Variants in DRICH1 observed in about 807,000 individuals in gnomAD.
DRICH1 encodes the protein aspartate-rich protein 1.
DRICH1 carries 38 observed loss-of-function variants against 39.5 expected under a neutral mutation model. That is an observed-to-expected ratio of 0.96 (90% CI 0.74 to 1.26). DRICH1 has a LOEUF of 1.26. DRICH1 is among the 50% of genes most tolerant of loss of function. The pLI, the probability that DRICH1 is intolerant of heterozygous loss-of-function variation, is 0.00. For synonymous variants in DRICH1, 84 were observed against 99.5 expected (o/e 0.84, Z 0.93); for missense variants, 279 against 270.4 (o/e 1.03, Z -0.22).
intron 1 of DRICH1, among the ~76,000 whole-genome samples, chr22:23,630,137 C>CAACG (rs1489309286): frequency 1.3e-5 from 2 of 152,132 alleles, no homozygotes; most frequent in African/African-American, 4.8e-5. Flanking sequence ...ATGCCCATGC[C>CAACG]AACGTCTATT....
chr22:23,587,830 G>A, the DRICH1 span, among the ~76,000 whole-genome samples: 581 of 152,308 alleles, frequency 3.8e-3, 5 homozygotes, highest in African/African-American at 0.013. Context: ...ACTAGGCTTT[G>A]ACCTTGAGCT....
At chr22:23,591,652 G>C in the DRICH1 span, among the ~76,000 whole-genome samples, 3 of 152,334 alleles carry the variant, frequency 2.0e-5, no homozygotes, top group East Asian at 5.8e-4. Flanking sequence ...ATCTATCTGA[G>C]GCGTAGGGGG....
rs774267027 is a variant in DRICH1 at position 23,626,021 on chromosome 22, T to G, written c.236A>C (p.Lys79Thr). ...GTCTTCCTCACTTGATGGCAGAAAT[T>G]TTAAACTCAGGCGGTCCTCAGGGGG... ...TGPPEDRLSL[K>T]FLPSSEEDND... The change falls in exon 2 of 12, where the codon AAA (lysine) becomes ACA (threonine). Residue 79 changes from lysine (K) to threonine (T), a missense_variant. Lys to Thr is a moderately conservative substitution (Grantham distance 78). Coordinates refer to ENST00000317749, the MANE Select transcript of DRICH1 (RefSeq NM_016449.4). The G allele has an allele frequency of 1.1e-5, 17 of 1,613,322 alleles. No homozygotes were observed. The Middle Eastern group carries it at 4.9e-4, about 47-fold the overall frequency.
At chr22:23,622,508 C>A (rs1333928446) in intron 3 of DRICH1, among the ~76,000 whole-genome samples, 1 of 115,510 alleles carries the variant, frequency 8.7e-6, no homozygotes, top group East Asian at 2.7e-4. Context: ...ACAGTATTTT[C>A]TTAATGTATT....
the DRICH1 span, among the ~76,000 whole-genome samples, chr22:23,586,854 C>T: frequency 2.0e-5 from 3 of 152,192 alleles, no homozygotes; most frequent in Non-Finnish European, 4.4e-5. Context: ...CGAAATAAAA[C>T]TTTTATTAGC....
chr22:23,620,761 AGAGAACACCTGTG>A (rs1217663122), intron 4 of DRICH1, 146 bp from the exon 5 acceptor site: 3 of 882,170 alleles, frequency 3.4e-6, no homozygotes, highest in Non-Finnish European at 5.6e-6. Context: ...ATTCTAGCAT[AGAGAACACCTGTG>A]GAAAAGACAA....
chr22:23,624,142 G>A (rs1391293046), intron 3 of DRICH1: 1 of 984,824 alleles, frequency 1.0e-6, no homozygotes, highest in Non-Finnish European at 1.2e-6. Flanking sequence ...TGAATGTGCT[G>A]CCATGAAACC....
At chr22:23,621,970 G>GAAACAACAA in intron 4 of DRICH1, 121 bp downstream of exon 4, 1 of 886,662 alleles carries the variant, frequency 1.1e-6, no homozygotes, top group Non-Finnish European at 1.8e-6. Context: ...AGAAAGGAAA[G>GAAACAACAA]AAAATCTCAC....
rs557107688 is a variant in DRICH1, at chr22:23,613,475, C to T, written c.644-145G>A. The T allele has an allele frequency of 2.5e-4, 235 of 929,258 alleles. 1 individual carries two copies. The African/African-American group carries it at 3.3e-3, about 13-fold the overall frequency. 57.6% of individuals were successfully genotyped at this position (929,258 alleles called of 1,614,324 possible). On this transcript the variant is annotated intron_variant, in intron 10 of 11. Coordinates refer to ENST00000317749, the MANE Select transcript of DRICH1 (RefSeq NM_016449.4). ...TGATCCCCTAATCTTTCTTCTGGGT[C>T]GACAAACCTTCCTACAGCTTCTCAG...
chr22:23,601,146 G>GCA, the DRICH1 span, among the ~76,000 whole-genome samples: 23,707 of 146,044 alleles, frequency 0.16, 2,037 homozygotes, highest in Admixed American at 0.23. Flanking sequence ...ACGCACGCGC[G>GCA]CACACACACA....
chr22:23,621,913 AAAAAC>A (rs1223551615), intron 4 of DRICH1, among the ~76,000 whole-genome samples, 173 bp downstream of exon 4: 1 of 152,182 alleles, frequency 6.6e-6, no homozygotes, highest in South Asian at 2.1e-4. Context: ...AAACAAAAAC[AAAAAC>A]AAAACAAAAC....
chr22:23,624,219 C>T (rs977640605), intron 3 of DRICH1: 2 of 985,380 alleles, frequency 2.0e-6, no homozygotes, highest in East Asian at 1.1e-4. Flanking sequence ...AATTCTGTCT[C>T]CAGGAGTGAG....
chr22:23,594,895 GC>G, the DRICH1 span, among the ~76,000 whole-genome samples: 1 of 151,768 alleles, frequency 6.6e-6, no homozygotes, highest in Non-Finnish European at 1.5e-5. Flanking sequence ...AGAGGGAGGA[GC>G]CCCTTTGAAA....
In DRICH1 at chr22:23,631,908, G is replaced by A. The variant is rs199631082; in HGVS notation, c.116C>T (p.Ser39Leu). 3.1e-6 allele frequency: 5 copies of A among 1,613,564 alleles called. No homozygotes were observed. The highest frequency in any genetic ancestry group is 4.2e-6 in the Non-Finnish European group (5 of 1,180,034). ...DIYETVAAAT[S>L]ESTTVEPGKL... ...GCCAGGCTCTACAGTAGTGGATTCT[G>A]ATGTTGCAGCAGCCACAGTCTCATA... Residue 39 changes from serine to leucine, a missense_variant, in exon 1 of 12, where the codon TCA becomes TTA. Ser to Leu is a moderately radical substitution (Grantham distance 145, BLOSUM62 -2). Coordinates refer to ENST00000317749, the MANE Select transcript of DRICH1 (RefSeq NM_016449.4).
the DRICH1 span, among the ~76,000 whole-genome samples, chr22:23,600,227 T>A: frequency 1.3e-5 from 2 of 152,172 alleles, no homozygotes; most frequent in African/African-American, 4.8e-5. Context: ...CCCATTTCCC[T>A]TTCCCTCCCT....
At chr22:23,596,319 G>T in the DRICH1 span, among the ~76,000 whole-genome samples, 1 of 152,140 alleles carries the variant, frequency 6.6e-6, no homozygotes, top group Non-Finnish European at 1.5e-5. Flanking sequence ...GGAGTGCAGT[G>T]ACACGATCAC....
the DRICH1 span, among the ~76,000 whole-genome samples, chr22:23,599,429 G>A: frequency 2.0e-5 from 3 of 152,324 alleles, no homozygotes; most frequent in East Asian, 5.8e-4. Context: ...TCAGGGCCCA[G>A]ACCTGCTCTC....
chr22:23,608,785 T>C lies in DRICH1; in HGVS notation c.686-17A>G, dbSNP rs1481431810. ...GGCTTCACCCTGGATGAAGAGATAATCCCTTTTTAGTGAGAGCAGGCTCCC... is the reference window on the plus strand; with the variant it reads ...GGCTTCACCCTGGATGAAGAGATAACCCCTTTTTAGTGAGAGCAGGCTCCC... On this transcript the variant is annotated splice_polypyrimidine_tract_variant and intron_variant, in intron 11 of 11. Transcript: ENST00000317749. The C allele has an allele frequency of 2.6e-6, 4 of 1,559,030 alleles. No individual in the cohort carries two copies. In the African/African-American group the frequency reaches 4.1e-5, roughly 16 times the overall value.
intron 8 of DRICH1, among the ~76,000 whole-genome samples, chr22:23,615,432 G>A (rs1018931168): frequency 6.6e-6 from 1 of 152,056 alleles, no homozygotes; most frequent in Non-Finnish European, 1.5e-5. Flanking sequence ...TAAAATATTG[G>A]TATAAGAAAC....
Sources: gnomAD v4.1 joint callset for allele counts (sites outside exome capture counted in the v4.1 genomes callset) on GRCh38, gnomAD v4.1.1 for gene constraint, MANE v1.5 for transcripts, NCBI Gene and HGNC (gene_info 2026-07-23, HGNC 2026-07-21) for gene names.